DNAH8: variants seen among roughly 807,000 people sequenced by gnomAD.
DNAH8 encodes the protein axonemal beta dynein heavy chain 8.
Under a neutral mutation model 562.1 loss-of-function variants are expected in DNAH8, and 382 were observed. The ratio of observed to expected loss-of-function variants is 0.68; its 90% CI spans 0.63 to 0.74. The LOEUF is 0.74. Among genes scored for constraint, DNAH8 ranks in the 30% least tolerant of loss-of-function variants. The pLI, the probability that DNAH8 is intolerant of heterozygous loss-of-function variation, is 0.00. For synonymous variants in DNAH8, 1,881 were observed against 1,919.4 expected, an observed-to-expected ratio of 0.98 and a Z score of 0.52; for missense variants, 5,203 against 5,620.4, an observed-to-expected ratio of 0.93 and a Z score of 2.37.
At chr6:38,832,265 T>G in intron 30 of DNAH8, 57 bp from the exon 31 acceptor site, 4 of 1,057,324 alleles carry the variant, frequency 3.8e-6, no homozygotes, top group Non-Finnish European at 2.9e-6. Flanking sequence ...AGAATTGTAA[T>G]TTTTGTTTTT....
At chr6:38,970,799 G>A (rs1404850333) in intron 82 of DNAH8, among the ~76,000 whole-genome samples, 1 of 152,212 alleles carries the variant, frequency 6.6e-6, no homozygotes, top group Non-Finnish European at 1.5e-5. Flanking sequence ...ACAAGGGCTT[G>A]CTTAAGAGTT....
intron 24 of DNAH8, among the ~76,000 whole-genome samples, chr6:38,812,585 G>A (rs1014502351): frequency 1.6e-4 from 24 of 151,264 alleles, no homozygotes; most frequent in Non-Finnish European, 2.9e-4. Context: ...GTTCTGCTGC[G>A]AATCCGATTT....
At chr6:39,022,227 T>C (rs548549961) in intron 91 of DNAH8, among the ~76,000 whole-genome samples, 224 of 152,316 alleles carry the variant, frequency 1.5e-3, no homozygotes, top group African/African-American at 5.1e-3. Context: ...TGTTTTTTTT[T>C]CTTCTCTTTA....
At chr6:38,944,203 C>T (rs1290593817) in intron 79 of DNAH8, among the ~76,000 whole-genome samples, 1 of 152,192 alleles carries the variant, frequency 6.6e-6, no homozygotes, top group East Asian at 1.9e-4. Context: ...ATTAGCAATA[C>T]TGTTGCTCCA....
chr6:38,984,113 T>G (rs897103636), intron 86 of DNAH8, 93 bp from the exon 87 acceptor site: 21 of 696,812 alleles, frequency 3.0e-5, no homozygotes, highest in Non-Finnish European at 5.0e-5. Flanking sequence ...GAGTGCTTCC[T>G]TTTCCAGACC....
At position 38,988,727 on chromosome 6, in the gene DNAH8, A is replaced by G. The variant is rs77263031; in HGVS notation, c.13054-1285A>G. Among the ~76,000 whole-genome samples, 453 of 152,052 alleles carry G rather than the reference A, an allele frequency of 3.0e-3. 2 individuals are homozygous for G. Among genetic ancestry groups the G allele is most frequent in the African/African-American group, 0.01 (425 of 41,458 alleles). ...TTCTCATTTTTGCATCAGTTCTATA[A>G]CTTTGCTTATGTGGCCTCCCCATTC... On this transcript the variant is annotated intron_variant, in intron 87 of 92. Transcript: ENST00000327475.
chr6:38,883,068 A>G lies in DNAH8; in HGVS notation c.8001+16A>G. 6.4e-7 allele frequency: 1 copy of G among 1,561,198 alleles called. No individual in the cohort carries two copies. The highest frequency in any genetic ancestry group is 1.3e-5 in the South Asian group (1 of 79,166). On this transcript the variant is annotated intron_variant, in intron 54 of 92. Transcript: ENST00000327475. ...ACAACATAAAGTAAGTTTAATAGAT[A>G]GTTCCTTAAATGATCACAAACCATC...
chr6:38,823,331 C>T (rs556783796), intron 27 of DNAH8, among the ~76,000 whole-genome samples: 1 of 152,146 alleles, frequency 6.6e-6, no homozygotes, highest in Admixed American at 6.5e-5. Context: ...CTTATGTAGA[C>T]CCAGCTGTAT....
chr6:38,808,208 T>A (rs896984734), intron 24 of DNAH8, among the ~76,000 whole-genome samples: 13 of 152,210 alleles, frequency 8.5e-5, no homozygotes, highest in African/African-American at 2.7e-4. Context: ...TTTGCTATCA[T>A]GAATAAAGCT....
At position 39,010,697 on chromosome 6, in the gene DNAH8, T is replaced by C. The variant is rs1766133704; in HGVS notation, c.13372-1518T>C. ...TGCAAAAGTATTTCTATAATTTCCC[T>C]TTTCCTTAAGAGTGAATTTCCACTC... On this transcript the variant is annotated intron_variant, in intron 89 of 92. Coordinates refer to ENST00000327475, the MANE Select transcript of DNAH8 (RefSeq NM_001206927.2). 2.6e-5 allele frequency among the ~76,000 whole-genome samples: 4 copies of C among 151,828 alleles called. No individual in the cohort carries two copies. The South Asian group carries it at 8.3e-4, about 32-fold the overall frequency.
chr6:38,925,382 CG>C (rs1344395239), intron 73 of DNAH8, among the ~76,000 whole-genome samples: 4 of 150,880 alleles, frequency 2.7e-5, no homozygotes, highest in Non-Finnish European at 4.4e-5. Flanking sequence ...GTAGCCCAGA[CG>C]GAAGTGCAGT....
intron 82 of DNAH8, 138 bp from the exon 83 acceptor site, chr6:38,971,454 C>G: frequency 2.0e-6 from 1 of 502,814 alleles, no homozygotes; most frequent in Non-Finnish European, 3.3e-6. Flanking sequence ...AAAGGCCAGG[C>G]CTGTTTGAAC....
intron 24 of DNAH8, among the ~76,000 whole-genome samples, chr6:38,809,185 G>A (rs1331900044): frequency 1.3e-5 from 2 of 150,318 alleles, no homozygotes; most frequent in African/African-American, 4.9e-5. Context: ...TTACATTATT[G>A]ATGATAATAT....
Position 38,942,956 on chromosome 6 carries a change from C to T in DNAH8, c.12008-2511C>T, listed in dbSNP as rs113762457. Among the ~76,000 whole-genome samples the T allele has an allele frequency of 1.5e-4, 23 of 152,260 alleles. 1 individual carries two copies. Among genetic ancestry groups the T allele is most frequent in the African/African-American group, 3.8e-4 (16 of 41,566 alleles). On this transcript the variant is annotated intron_variant, in intron 79 of 92. Coordinates refer to ENST00000327475, the MANE Select transcript of DNAH8 (RefSeq NM_001206927.2). ...GCAACACAGTGGGGAGGGAATTCAT[C>T]AGGGAGGATTAGATTTGTTACAGAA...
intron 76 of DNAH8, among the ~76,000 whole-genome samples, chr6:38,932,313 A>G (rs1782619352): frequency 6.6e-6 from 1 of 152,012 alleles, no homozygotes; most frequent in African/African-American, 2.4e-5. Flanking sequence ...TCAATAAAAC[A>G]ATGATTGAGA....
intron 58 of DNAH8, 137 bp downstream of exon 58, chr6:38,890,898 G>C: frequency 1.6e-6 from 1 of 619,538 alleles, no homozygotes. Flanking sequence ...TGCTCAAATA[G>C]ATTTACAACA....
Position 38,754,525 on chromosome 6 carries a change from T to C in DNAH8, c.1408-1447T>C, listed in dbSNP as rs189897038. ...GGACATACCGTACAGTAATCGGTAG[T>C]TGTTTTTCTTGGCTGTATTTCTTCC... On this transcript the variant is annotated intron_variant, in intron 9 of 92. Coordinates refer to ENST00000327475, the MANE Select transcript of DNAH8 (RefSeq NM_001206927.2). 2.7e-3 allele frequency among the ~76,000 whole-genome samples: 408 copies of C among 152,268 alleles called. 3 individuals carry two copies. The highest frequency in any genetic ancestry group is 9.5e-3 in the African/African-American group (395 of 41,564).
chr6:39,026,382 C>T (rs761093198), intron 91 of DNAH8, among the ~76,000 whole-genome samples, 164 bp from the exon 92 acceptor site: 1 of 152,156 alleles, frequency 6.6e-6, no homozygotes, highest in African/African-American at 2.4e-5. Flanking sequence ...CCCACAGAAA[C>T]GAAACACTGA....
In DNAH8 at chr6:38,818,273, C is replaced by G. The variant is rs115495614; in HGVS notation, c.3523+2616C>G. 3.2e-3 allele frequency among the ~76,000 whole-genome samples: 492 copies of G among 151,984 alleles called. 3 individuals are homozygous for G. Among genetic ancestry groups the G allele is most frequent in the African/African-American group, 0.011 (471 of 41,468 alleles). ...CCAATGTTTGCCATTATTCTTTATT[C>G]TCTCCCTAGTCCATTCTATATATTT... On this transcript the variant is annotated intron_variant, in intron 26 of 92. Transcript: ENST00000327475.
Sources: gnomAD v4.1 joint callset for allele counts (sites outside exome capture counted in the v4.1 genomes callset) on GRCh38, gnomAD v4.1.1 for gene constraint, MANE v1.5 for transcripts, NCBI Gene and HGNC (gene_info 2026-07-23, HGNC 2026-07-21) for gene names.